CSMD3: variants seen among roughly 807,000 people sequenced by gnomAD.
The protein encoded by CSMD3 is CUB and sushi domain-containing protein 3.
A neutral mutation model predicts 435.2 loss-of-function variants in CSMD3; 177 were observed. The ratio of observed to expected loss-of-function variants is 0.41; its 90% CI spans 0.36 to 0.46. The LOEUF (loss-of-function observed/expected upper bound fraction) is 0.46. Ranked by LOEUF, CSMD3 falls within the 20% of genes least tolerant of loss-of-function variation. The pLI, the probability that CSMD3 is intolerant of heterozygous loss-of-function variation, is 0.34. For synonymous variants in CSMD3, 1,656 were observed against 1,520.5 expected, an observed-to-expected ratio of 1.09 and a Z score of -2.07; for missense variants, 4,265 against 4,504.6, an observed-to-expected ratio of 0.95 and a Z score of 1.52.
rs1827699405 is a variant in CSMD3, at chr8:112,365,518, T to G, written c.6137-12984A>C. On this transcript the variant is annotated intron_variant, in intron 38 of 70. Transcript: ENST00000297405. ...ACCAAATGGACTTCTACCATCTTCT[T>G]ATAACATGTTTGAATAGAATCTACT... Among the ~76,000 whole-genome samples the G allele has an allele frequency of 1.4e-5, 2 of 146,674 alleles. 1 individual carries two copies. Among genetic ancestry groups the G allele is most frequent in the Admixed American group, 1.4e-4 (2 of 14,356 alleles).
intron 6 of CSMD3, among the ~76,000 whole-genome samples, chr8:113,012,840 G>A (rs996135063): frequency 2.6e-5 from 4 of 151,728 alleles, no homozygotes; most frequent in African/African-American, 9.7e-5. Context: ...AAAGTTATTG[G>A]TCTTCTCTTT....
At chr8:112,485,061 T>C (rs1490398802) in intron 31 of CSMD3, among the ~76,000 whole-genome samples, 2 of 152,118 alleles carry the variant, frequency 1.3e-5, no homozygotes, top group African/African-American at 4.8e-5. Context: ...TTAATGATTC[T>C]CTAGACTAGC....
intron 63 of CSMD3, among the ~76,000 whole-genome samples, chr8:112,253,834 T>G (rs1815507322): frequency 6.6e-6 from 1 of 152,020 alleles, no homozygotes; most frequent in Non-Finnish European, 1.5e-5. Flanking sequence ...AGTGCTTTAT[T>G]GAATAACCCG....
chr8:113,372,079 T>C (rs1563755562), intron 1 of CSMD3, among the ~76,000 whole-genome samples: 3 of 152,212 alleles, frequency 2.0e-5, no homozygotes, highest in Admixed American at 1.3e-4. Context: ...TGATTAACTG[T>C]TCACTCAGGA....
intron 2 of CSMD3, among the ~76,000 whole-genome samples, chr8:113,286,695 C>A (rs2093649099): frequency 6.8e-6 from 1 of 147,390 alleles, no homozygotes; most frequent in African/African-American, 2.6e-5. Flanking sequence ...CATATACATT[C>A]TCTAAGAATG....
chr8:112,741,791 G>T (rs374728033), intron 13 of CSMD3, among the ~76,000 whole-genome samples: 967 of 83,632 alleles, frequency 0.012, 6 homozygotes, highest in African/African-American at 0.021. Flanking sequence ...GATAGATAGA[G>T]AGAAGATAGA....
Position 113,089,368 on chromosome 8 carries a change from G to A in CSMD3, c.917+9388C>T, listed in dbSNP as rs763235240. On this transcript the variant is annotated intron_variant, in intron 5 of 70. Transcript: ENST00000297405. ...ATTGTTCTTCAAGAGGAATTCTAAG[G>A]TAGCTATTTTTTTCTATTTTCCACA... is the stretch of plus-strand genomic sequence containing the variant. 6.6e-5 allele frequency among the ~76,000 whole-genome samples: 6 copies of A among 90,250 alleles called. No individual in the cohort carries two copies. In the East Asian group the frequency reaches 4.1e-3, roughly 61 times the overall value. 59.2% of individuals were successfully genotyped at this position (90,250 alleles called of 152,430 possible).
rs1563863352 is a variant in CSMD3 at position 112,695,807 on chromosome 8, TGA to T, written c.1973-5759_1973-5758del. 2.0e-5 allele frequency among the ~76,000 whole-genome samples: 3 copies of T among 152,288 alleles called. No individual in the cohort carries two copies. In the East Asian group the frequency reaches 5.8e-4, roughly 29 times the overall value. On this transcript the variant is annotated intron_variant, in intron 13 of 70. Transcript: ENST00000297405. ...AAGTCAAATTGTCCCTGTTTGCAGA[TGA>T]CATGATTGCATATTTAGAAAACCCC...
intron 5 of CSMD3, among the ~76,000 whole-genome samples, chr8:113,058,859 A>G (rs1356163057): frequency 6.6e-6 from 1 of 152,040 alleles, no homozygotes; most frequent in Non-Finnish European, 1.5e-5. Flanking sequence ...AATGCCACCT[A>G]CTAAAAAAAC....
chr8:113,186,114 G>T (rs2131956556), intron 3 of CSMD3, among the ~76,000 whole-genome samples: 1 of 152,068 alleles, frequency 6.6e-6, no homozygotes, highest in East Asian at 2.0e-4. Flanking sequence ...CGGGATATTT[G>T]CTTGTCAATT....
chr8:112,494,509 TTCTTTCTTTC>T (rs1404297764), intron 30 of CSMD3, among the ~76,000 whole-genome samples: 1 of 84,644 alleles, frequency 1.2e-5, no homozygotes, highest in Non-Finnish European at 2.7e-5. Flanking sequence ...CTTTCTTTCT[TTCTTTCTTTC>T]TTTCTTTCTT....
At chr8:112,254,479 AAGCC>A (rs1267121617) in intron 62 of CSMD3, among the ~76,000 whole-genome samples, 153 bp from the exon 63 acceptor site, 18 of 152,102 alleles carry the variant, frequency 1.2e-4, no homozygotes, top group Non-Finnish European at 2.5e-4. Flanking sequence ...CCATGGACAG[AAGCC>A]TGTTAATCTT....
At chr8:112,713,452 CAG>C (rs1200856508) in intron 13 of CSMD3, among the ~76,000 whole-genome samples, 2 of 151,168 alleles carry the variant, frequency 1.3e-5, no homozygotes, top group Admixed American at 6.6e-5. Flanking sequence ...TACTATTGAT[CAG>C]AGAGTCTGAA....
intron 38 of CSMD3, among the ~76,000 whole-genome samples, chr8:112,361,586 T>C (rs372875872): frequency 0.032 from 1,072 of 32,990 alleles, 37 homozygotes; most frequent in East Asian, 0.16. Flanking sequence ...TATATATATA[T>C]ATATATATAT....
At position 112,347,130 on chromosome 8, in the gene CSMD3, C is replaced by T. The variant is rs138628972; in HGVS notation, c.6326-917G>A. 3.3e-3 allele frequency among the ~76,000 whole-genome samples: 501 copies of T among 152,092 alleles called. 4 individuals are homozygous for T. The highest frequency in any genetic ancestry group is 0.012 in the African/African-American group (489 of 41,476). On this transcript the variant is annotated intron_variant, in intron 40 of 70. Transcript: ENST00000297405. ...CACAAATTTGAGAATGTAGGGAGTT[C>T]GTAAATGTGCTTGTCTTGGAATCCC...
intron 4 of CSMD3, among the ~76,000 whole-genome samples, chr8:113,135,504 G>C (rs1000257401): frequency 1.3e-5 from 2 of 151,756 alleles, no homozygotes; most frequent in Admixed American, 1.3e-4. Flanking sequence ...GAATATTTGA[G>C]TAGACTATAG....
intron 50 of CSMD3, among the ~76,000 whole-genome samples, chr8:112,309,405 CAATT>C (rs1821743447): frequency 6.6e-6 from 1 of 151,460 alleles, no homozygotes; most frequent in Non-Finnish European, 1.5e-5. Context: ...AAATTAAAAA[CAATT>C]AAAATTCAGA....
chr8:113,393,024 T>TA (rs1363330172), intron 1 of CSMD3, among the ~76,000 whole-genome samples: 16 of 151,846 alleles, frequency 1.1e-4, no homozygotes, highest in Admixed American at 9.9e-4. Context: ...TTTACATATA[T>TA]ATAAAACCAT....
At chr8:113,335,565 G>GTTTTTTTTTTTTTTTT (rs1263100966) in intron 1 of CSMD3, among the ~76,000 whole-genome samples, 5 of 98,122 alleles carry the variant, frequency 5.1e-5, no homozygotes, top group Non-Finnish European at 7.8e-5. Context: ...TTTTTTTTGG[G>GTTTTTTTTTTTTTTTT]TATTTACATG....
Sources: gnomAD v4.1 joint callset for allele counts (sites outside exome capture counted in the v4.1 genomes callset) on GRCh38, gnomAD v4.1.1 for gene constraint, MANE v1.5 for transcripts, NCBI Gene and HGNC (gene_info 2026-07-23, HGNC 2026-07-21) for gene names.